PREX1: variants seen among roughly 807,000 people sequenced by gnomAD.
PREX1 encodes the protein phosphatidylinositol 3,4,5-trisphosphate-dependent Rac exchanger 1 protein.
Under a neutral mutation model 198.3 loss-of-function variants are expected in PREX1, and 41 were observed. The ratio of observed to expected loss-of-function variants is 0.21; its 90% CI spans 0.16 to 0.27. The LOEUF (loss-of-function observed/expected upper bound fraction) is 0.27, where lower values mean the gene tolerates loss of function less well. Ranked by LOEUF, PREX1 falls within the 10% of genes least tolerant of loss-of-function variation. The pLI is 1.00. For missense variants in PREX1, 1,620 were observed against 2,200.7 expected (o/e 0.74, Z 5.28); for synonymous variants, 843 against 887.2 (o/e 0.95, Z 0.89).
chr20:48,856,892 T>C, the PREX1 span, among the ~76,000 whole-genome samples: 2 of 152,248 alleles, frequency 1.3e-5, no homozygotes, highest in Admixed American at 1.3e-4. Flanking sequence ...CAGGTTGGAA[T>C]GCAGTAGCAT....
At chr20:48,697,779 C>T (rs1036841504) in intron 7 of PREX1, among the ~76,000 whole-genome samples, 1 of 152,142 alleles carries the variant, frequency 6.6e-6, no homozygotes, top group African/African-American at 2.4e-5. Flanking sequence ...GTCCTGGTTT[C>T]CCCTTCTGGA....
intron 6 of PREX1, among the ~76,000 whole-genome samples, chr20:48,702,193 G>C (rs2089878637): frequency 7.0e-6 from 1 of 143,686 alleles, no homozygotes; most frequent in East Asian, 2.0e-4. Context: ...GGGCGACTGA[G>C]CAGGACTCTG....
chr20:48,840,312 A>G, the PREX1 span, among the ~76,000 whole-genome samples: 2 of 150,496 alleles, frequency 1.3e-5, no homozygotes, highest in African/African-American at 4.9e-5. Flanking sequence ...ACCGTGCCTG[A>G]CCACGACGGC....
intron 26 of PREX1, among the ~76,000 whole-genome samples, chr20:48,645,595 G>T (rs2089444836): frequency 6.6e-6 from 1 of 152,108 alleles, no homozygotes; most frequent in Admixed American, 6.5e-5. Flanking sequence ...GCATGTGTGG[G>T]GTGACACTGA....
intron 1 of PREX1, among the ~76,000 whole-genome samples, chr20:48,778,208 G>T (rs769617616): frequency 5.9e-5 from 9 of 152,144 alleles, no homozygotes; most frequent in Non-Finnish European, 1.0e-4. Context: ...TTCATGGTAA[G>T]GCAAAGAAAC....
At chr20:48,681,993 T>C (rs1386450779) in intron 10 of PREX1, among the ~76,000 whole-genome samples, 1 of 151,970 alleles carries the variant, frequency 6.6e-6, no homozygotes, top group Non-Finnish European at 1.5e-5. Context: ...GTCATTTCCA[T>C]ATTCAAAACC....
At chr20:48,652,395 AC>A (rs1483788082) in intron 21 of PREX1, among the ~76,000 whole-genome samples, 190 bp downstream of exon 21, 1 of 151,940 alleles carries the variant, frequency 6.6e-6, no homozygotes, top group Non-Finnish European at 1.5e-5. Context: ...AGCTGTGGTC[AC>A]AACACTACAC....
intron 4 of PREX1, among the ~76,000 whole-genome samples, chr20:48,728,659 G>T (rs1056475188): frequency 5.4e-4 from 82 of 152,334 alleles, no homozygotes; most frequent in Non-Finnish European, 1.2e-4. Context: ...TCTGGGCAGA[G>T]TGCAGGGCGC....
At chr20:48,862,313 A>T in the PREX1 span, among the ~76,000 whole-genome samples, 2 of 152,196 alleles carry the variant, frequency 1.3e-5, no homozygotes, top group African/African-American at 4.8e-5. Context: ...AACTGACATC[A>T]TCATCCCTTG....
At chr20:48,640,551 G>T (rs2089401134) in intron 29 of PREX1, among the ~76,000 whole-genome samples, 1 of 152,122 alleles carries the variant, frequency 6.6e-6, no homozygotes, top group Non-Finnish European at 1.5e-5. Context: ...CAGCTGAGCT[G>T]GGGAGCCCCA....
chr20:48,839,232 G>A, the PREX1 span, among the ~76,000 whole-genome samples: 1 of 152,120 alleles, frequency 6.6e-6, no homozygotes, highest in East Asian at 1.9e-4. Context: ...TGGGCCATTT[G>A]ACCGTCAACT....
intron 16 of PREX1, 25 bp from the exon 17 acceptor site, chr20:48,658,253 C>A (rs748218202): frequency 1.2e-6 from 2 of 1,611,682 alleles, no homozygotes; most frequent in South Asian, 1.1e-5. Flanking sequence ...CAGAAGGAAC[C>A]CGGTCAGGGA....
intron 35 of PREX1, among the ~76,000 whole-genome samples, 173 bp downstream of exon 35, chr20:48,632,104 G>A (rs4810843): frequency 0.079 from 11,994 of 152,292 alleles, 566 homozygotes; most frequent in South Asian, 0.15. Flanking sequence ...TCCATGGCCT[G>A]CTGCCATTGA....
At chr20:48,764,037 C>T (rs2090196639) in intron 1 of PREX1, among the ~76,000 whole-genome samples, 2 of 152,210 alleles carry the variant, frequency 1.3e-5, no homozygotes, top group African/African-American at 2.4e-5. Flanking sequence ...CCATCAGAGT[C>T]CAGGCTCTGA....
In PREX1 at chr20:48,664,244, G is replaced by A. The variant is rs74881895; in HGVS notation, c.1738+2039C>T. Among the ~76,000 whole-genome samples, 422 of 152,188 alleles carry A rather than the reference G, an allele frequency of 2.8e-3. 1 individual carries two copies. Among genetic ancestry groups the A allele is most frequent in the Non-Finnish European group, 4.7e-3 (317 of 67,998 alleles). ...CAAAAAATTAGCCGGGTGTGGTGGC[G>A]GGTGCCTGCGGTCCCAGCTACTCGG... On this transcript the variant is annotated intron_variant, in intron 15 of 39. Coordinates refer to ENST00000371941, the MANE Select transcript of PREX1 (RefSeq NM_020820.4).
chr20:48,866,969 T>G, the PREX1 span, among the ~76,000 whole-genome samples: 1 of 152,180 alleles, frequency 6.6e-6, no homozygotes, highest in Non-Finnish European at 1.5e-5. Flanking sequence ...TAAGAGGTTG[T>G]AGCACATGAG....
chr20:48,819,441 A>G (rs2090473811), intron 1 of PREX1, among the ~76,000 whole-genome samples: 1 of 152,096 alleles, frequency 6.6e-6, no homozygotes, highest in Non-Finnish European at 1.5e-5. Flanking sequence ...CTCCCTAGAA[A>G]AGCCTTCCTT....
At chr20:48,799,908 T>G (rs891243892) in intron 1 of PREX1, among the ~76,000 whole-genome samples, 1 of 152,020 alleles carries the variant, frequency 6.6e-6, no homozygotes. Context: ...CACTCTAATC[T>G]GCCTCTGCGC....
intron 1 of PREX1, among the ~76,000 whole-genome samples, chr20:48,824,335 G>A (rs956941006): frequency 3.3e-5 from 5 of 152,064 alleles, no homozygotes; most frequent in African/African-American, 9.7e-5. Context: ...CAAAGCCCTC[G>A]GCCTGGAACC....
Sources: allele counts gnomAD v4.1 joint callset (sites outside exome capture counted in the v4.1 genomes callset), GRCh38; gene constraint gnomAD v4.1.1; transcripts MANE v1.5; gene names NCBI Gene and HGNC (gene_info 2026-07-23, HGNC 2026-07-21).